ADAMTS20: variants seen among roughly 807,000 people sequenced by gnomAD.
ADAMTS20 encodes the protein A disintegrin and metalloproteinase with thrombospondin motifs 20.
A neutral mutation model predicts 260.1 loss-of-function variants in ADAMTS20; 225 were observed. The observed-to-expected ratio is 0.87, with a 90% CI of 0.78 to 0.97. The LOEUF (loss-of-function observed/expected upper bound fraction) is 0.97, where lower values mean the gene tolerates loss of function less well. Ranked by LOEUF, ADAMTS20 falls within the 50% of genes least tolerant of loss-of-function variation. ADAMTS20 has a pLI of 0.00. For synonymous variants in ADAMTS20, 802 were observed against 769.5 expected, an observed-to-expected ratio of 1.04 and a Z score of -0.70; for missense variants, 2,400 against 2,337.7, an observed-to-expected ratio of 1.03 and a Z score of -0.55.
At position 43,431,334 on chromosome 12, in the gene ADAMTS20, G is replaced by T; in HGVS notation, c.3259C>A (p.Pro1087Thr). The change falls in exon 22 of 39, where the codon CCT becomes ACT. Residue 1087 changes from proline (P) to threonine (T), a missense_variant and splice_region_variant. Transcript: ENST00000389420. ...CASWQVGPWG[P>T]CTTTCGHGYQ... ...AAAAACCCATATCATATACTCACAG[G>T]ACCCCATGGTCCTACTTGCCAGGAA... is the stretch of plus-strand genomic sequence containing the variant. 1.9e-6 allele frequency: 3 copies of T among 1,613,604 alleles called. No individual in the cohort carries two copies. Among genetic ancestry groups the T allele is most frequent in the Non-Finnish European group, 1.7e-6 (2 of 1,179,728 alleles).
Position 43,465,038 on chromosome 12 carries a change from T to C in ADAMTS20, c.1368-306A>G, listed in dbSNP as rs1296885487. 3.9e-5 allele frequency among the ~76,000 whole-genome samples: 6 copies of C among 152,152 alleles called. No homozygotes were observed. The East Asian group carries it at 1.2e-3, about 29-fold the overall frequency. On this transcript the variant is annotated intron_variant, in intron 9 of 38. Transcript: ENST00000389420. ...TCATCAGAACATTATTTATGAAACA[T>C]ACATCCATATCACACTTTTGGTCTA... is the stretch of plus-strand genomic sequence containing the variant.
chr12:43,423,867 T>A, intron 28 of ADAMTS20: 1 of 726,040 alleles, frequency 1.4e-6, no homozygotes, highest in Admixed American at 1.9e-5. Context: ...AATATGTTTT[T>A]CATTAGTTCC....
rs143249632 is a variant in ADAMTS20 at position 43,371,628 on chromosome 12, C to A, written c.5447-2247G>T. On this transcript the variant is annotated intron_variant, in intron 36 of 38. Coordinates refer to ENST00000389420, the MANE Select transcript of ADAMTS20 (RefSeq NM_025003.5). ...ATGAAGGGGTAAACCACACAGACAG[C>A]TACAGATGAATGTTCCCGGCAGATG... Among the ~76,000 whole-genome samples the A allele has an allele frequency of 3.0e-3, 459 of 152,226 alleles. 2 individuals carry two copies. Among genetic ancestry groups the A allele is most frequent in the Non-Finnish European group, 4.9e-3 (336 of 68,018 alleles).
chr12:43,435,641 T>TAAAAAA (rs35112845), intron 18 of ADAMTS20, among the ~76,000 whole-genome samples: 2 of 84,654 alleles, frequency 2.4e-5, no homozygotes, highest in Non-Finnish European at 2.3e-5. Flanking sequence ...ACTCCATTTC[T>TAAAAAA]AAAAAAAAAA....
chr12:43,374,347 G>A (rs1385497844), intron 36 of ADAMTS20, among the ~76,000 whole-genome samples: 1 of 151,978 alleles, frequency 6.6e-6, no homozygotes, highest in African/African-American at 2.4e-5. Flanking sequence ...CACCATGCTA[G>A]GCACTGATGA....
chr12:43,534,377 A>T (rs980093281), intron 2 of ADAMTS20, among the ~76,000 whole-genome samples: 1 of 152,222 alleles, frequency 6.6e-6, no homozygotes, highest in Admixed American at 6.5e-5. Flanking sequence ...TGTTGAAAAT[A>T]TGTCAGTACA....
At chr12:43,525,088 C>G (rs965280866) in intron 3 of ADAMTS20, among the ~76,000 whole-genome samples, 10 of 152,062 alleles carry the variant, frequency 6.6e-5, no homozygotes, top group African/African-American at 2.4e-4. Context: ...ATCAGGCTGT[C>G]TAAAGTAAAC....
intron 29 of ADAMTS20, among the ~76,000 whole-genome samples, chr12:43,394,364 G>A (rs1940657352): frequency 6.6e-6 from 1 of 151,944 alleles, no homozygotes. Flanking sequence ...TCCAGAATAG[G>A]CACCACTTCA....
chr12:43,422,106 C>T (rs1346955706), intron 28 of ADAMTS20, among the ~76,000 whole-genome samples: 2 of 151,924 alleles, frequency 1.3e-5, no homozygotes, highest in South Asian at 2.1e-4. Flanking sequence ...AAAAATGTAG[C>T]CATTAAATTA....
chr12:43,443,032 A>G lies in ADAMTS20; in HGVS notation c.2290+759T>C, dbSNP rs535063430. 3.3e-5 allele frequency among the ~76,000 whole-genome samples: 5 copies of G among 152,322 alleles called. No homozygotes were observed. In the South Asian group the frequency reaches 6.2e-4, roughly 19 times the overall value. On this transcript the variant is annotated intron_variant, in intron 16 of 38. Coordinates refer to ENST00000389420, the MANE Select transcript of ADAMTS20 (RefSeq NM_025003.5). ...ATTATAGATTCAGATTGCCAGTTAC[A>G]TAAGTTAATTATTTGAGTCAATATT...
At chr12:43,384,115 C>A (rs1940419166) in intron 29 of ADAMTS20, 138 bp from the exon 30 acceptor site, 3 of 830,428 alleles carry the variant, frequency 3.6e-6, no homozygotes, top group African/African-American at 1.7e-5. Context: ...AAAATACATA[C>A]AATAAGTATT....
At chr12:43,524,052 GAC>G (rs1943108301) in intron 3 of ADAMTS20, among the ~76,000 whole-genome samples, 1 of 150,450 alleles carries the variant, frequency 6.6e-6, no homozygotes, top group African/African-American at 2.4e-5. Context: ...GAGGCCAATT[GAC>G]ACAGTCCATT....
chr12:43,541,404 A>T lies in ADAMTS20; in HGVS notation c.454-9209T>A, dbSNP rs1233586930. On this transcript the variant is annotated intron_variant, in intron 2 of 38. Coordinates refer to ENST00000389420, the MANE Select transcript of ADAMTS20 (RefSeq NM_025003.5). ...AGGAAGGTTAATGTGTGTTTAAGTG[A>T]TATTAATAATAGGAGCTTCAATAAT... Among the ~76,000 whole-genome samples the T allele has an allele frequency of 2.6e-5, 4 of 152,194 alleles. No individual in the cohort carries two copies. The East Asian group carries it at 7.7e-4, about 29-fold the overall frequency.
At chr12:43,413,297 A>AT (rs1941068517) in intron 28 of ADAMTS20, among the ~76,000 whole-genome samples, 1 of 152,196 alleles carries the variant, frequency 6.6e-6, no homozygotes, top group Middle Eastern at 3.4e-3. Context: ...ATGTCTTCTG[A>AT]TTTTTTCTAT....
intron 18 of ADAMTS20, among the ~76,000 whole-genome samples, chr12:43,434,710 T>G (rs934176873): frequency 6.6e-6 from 1 of 152,180 alleles, no homozygotes; most frequent in Non-Finnish European, 1.5e-5. Context: ...TACACTATAT[T>G]ACTGTCATCC....
chr12:43,497,476 C>A (rs1592097780), intron 4 of ADAMTS20, among the ~76,000 whole-genome samples: 1 of 152,104 alleles, frequency 6.6e-6, no homozygotes, highest in South Asian at 2.1e-4. Flanking sequence ...AAGATCATTA[C>A]TCTTTACTTC....
intron 2 of ADAMTS20, among the ~76,000 whole-genome samples, chr12:43,540,837 T>C (rs1164569013): frequency 6.6e-6 from 1 of 152,146 alleles, no homozygotes; most frequent in Non-Finnish European, 1.5e-5. Context: ...TTGATGATCT[T>C]CTATTTGCCA....
intron 28 of ADAMTS20, among the ~76,000 whole-genome samples, chr12:43,407,245 A>G (rs1001840769): frequency 2.6e-5 from 4 of 151,956 alleles, no homozygotes; most frequent in Non-Finnish European, 4.4e-5. Context: ...TTGCAAATAT[A>G]TTTGACTCTC....
intron 9 of ADAMTS20, among the ~76,000 whole-genome samples, 178 bp downstream of exon 9, chr12:43,466,474 T>C (rs924120357): frequency 2.6e-5 from 4 of 151,738 alleles, no homozygotes; most frequent in Non-Finnish European, 5.9e-5. Context: ...CATGTATATA[T>C]ATATATATGT....
Sources: gnomAD v4.1 joint callset for allele counts (sites outside exome capture counted in the v4.1 genomes callset) on GRCh38, gnomAD v4.1.1 for gene constraint, MANE v1.5 for transcripts, NCBI Gene and HGNC (gene_info 2026-07-23, HGNC 2026-07-21) for gene names.